Variants in DESI2 observed in about 807,000 individuals in gnomAD.
DESI2 encodes the protein deubiquitinase DESI2.
DESI2 carries 10 observed loss-of-function variants against 24.1 expected under a neutral mutation model. The ratio of observed to expected loss-of-function variants is 0.41; its 90% confidence interval spans 0.26 to 0.70. DESI2 has a LOEUF of 0.70. Among genes scored for constraint, DESI2 ranks in the 30% least tolerant of loss-of-function variants. The pLI is 0.29. For synonymous variants in DESI2, 71 were observed against 87.7 expected (o/e 0.81, Z 1.06); for missense variants, 122 against 234.9 (o/e 0.52, Z 3.14).
intron 1 of DESI2, among the ~76,000 whole-genome samples, chr1:244,676,995 C>T (rs1473644043): frequency 6.8e-6 from 1 of 147,690 alleles, no homozygotes; most frequent in East Asian, 2.0e-4. Context: ...TTATATAATC[C>T]TTGAGTCTGT....
In DESI2 at chr1:244,653,162, C is replaced by T. The variant is rs969749779; in HGVS notation, c.-152C>T. The T allele has an allele frequency of 5.5e-6, 4 of 726,014 alleles. No homozygotes were observed. Among genetic ancestry groups the T allele is most frequent in the Non-Finnish European group, 7.8e-6 (4 of 514,616 alleles). The allele number at this position is 726,014 out of a possible 1,614,324, so 45.0% of individuals were successfully genotyped here. ...TCGGCGGCGCCCGGGAGCGGCTCGG[C>T]TGCCCGATGCTTCCGCCCCGGCTGC... is the stretch of plus-strand genomic sequence containing the variant. On this transcript the variant is annotated 5_prime_UTR_variant, in exon 1 of 5. Coordinates refer to ENST00000302550, the MANE Select transcript of DESI2 (RefSeq NM_016076.5).
chr1:244,669,782 A>G (rs1573190699), intron 1 of DESI2, among the ~76,000 whole-genome samples: 2 of 152,164 alleles, frequency 1.3e-5, no homozygotes, highest in East Asian at 3.9e-4. Context: ...CTTCTGTGTA[A>G]TTACTATCTC....
At chr1:244,701,552 C>T (rs1234510752) in intron 4 of DESI2, among the ~76,000 whole-genome samples, 1 of 152,160 alleles carries the variant, frequency 6.6e-6, no homozygotes, top group African/African-American at 2.4e-5. Flanking sequence ...CTCCAGATGG[C>T]AGAGCCAAGG....
intron 4 of DESI2, among the ~76,000 whole-genome samples, chr1:244,695,133 C>G (rs1677166701): frequency 1.3e-5 from 2 of 152,204 alleles, no homozygotes; most frequent in African/African-American, 4.8e-5. Context: ...TTTATGGTTT[C>G]AGATAGAGGC....
rs965982593 is a variant in DESI2 at position 244,705,939 on chromosome 1, C to CAA, written c.*161_*162dup. On this transcript the variant is annotated 3_prime_UTR_variant, in exon 5 of 5. Coordinates refer to ENST00000302550, the MANE Select transcript of DESI2 (RefSeq NM_016076.5). Reference sequence around the variant, plus strand: ...TTCAGCTCAGGATTATATTTGTAATCAAAAAAAAAAAATCACTTGGCGCAG... The same window carrying CAA: ...TTCAGCTCAGGATTATATTTGTAATCAAAAAAAAAAAAAATCACTTGGCGCAG... 8.7e-5 allele frequency: 42 copies of CAA among 485,494 alleles called. No homozygotes were observed. Among genetic ancestry groups the CAA allele is most frequent in the Admixed American group, 1.1e-4 (3 of 27,618 alleles). 30.1% of individuals were successfully genotyped at this position (485,494 alleles called of 1,614,324 possible). A position where few individuals can be genotyped will look rare whatever the true frequency, so the allele number is the denominator to read the frequency against.
At chr1:244,693,117 A>G (rs1039536707) in intron 4 of DESI2, among the ~76,000 whole-genome samples, 1 of 152,282 alleles carries the variant, frequency 6.6e-6, no homozygotes, top group Middle Eastern at 3.4e-3. Context: ...AATCCACTCT[A>G]TTTTTCAGAC....
intron 1 of DESI2, among the ~76,000 whole-genome samples, chr1:244,654,187 T>C (rs1675568049): frequency 6.6e-6 from 1 of 152,202 alleles, no homozygotes; most frequent in Non-Finnish European, 1.5e-5. Context: ...CGGTAGAGAA[T>C]TGTCGTTGCA....
At chr1:244,685,530 C>A (rs1234916415) in intron 1 of DESI2, among the ~76,000 whole-genome samples, 1 of 152,054 alleles carries the variant, frequency 6.6e-6, no homozygotes, top group African/African-American at 2.4e-5. Flanking sequence ...TTGCTTAATT[C>A]TTCTTCCAGG....
chr1:244,675,968 TAC>T (rs1362417647), intron 1 of DESI2, among the ~76,000 whole-genome samples: 1 of 152,244 alleles, frequency 6.6e-6, no homozygotes, highest in Non-Finnish European at 1.5e-5. Context: ...AGTTTTCAGA[TAC>T]AGTTTATGAA....
intron 1 of DESI2, among the ~76,000 whole-genome samples, chr1:244,674,498 C>G (rs1438775558): frequency 6.6e-6 from 1 of 152,148 alleles, no homozygotes; most frequent in Non-Finnish European, 1.5e-5. Flanking sequence ...AAGCCCATAC[C>G]CATTAGCAAT....
intron 1 of DESI2, among the ~76,000 whole-genome samples, chr1:244,674,775 AGTT>A (rs371845533): frequency 1.6e-4 from 24 of 152,318 alleles, no homozygotes; most frequent in African/African-American, 5.5e-4. Context: ...ATAAACATGT[AGTT>A]GTTTCTACTT....
chr1:244,665,789 A>G (rs1321629817), intron 1 of DESI2, among the ~76,000 whole-genome samples: 1 of 152,258 alleles, frequency 6.6e-6, no homozygotes, highest in African/African-American at 2.4e-5. Flanking sequence ...TGCATCCTGC[A>G]GACCTACTCT....
chr1:244,689,323 G>A lies in DESI2; in HGVS notation c.190G>A (p.Gly64Arg). ...TTCCCCAGGAAATGCTTCTGAACTA[G>A]GAGAAACATTTAAATTTAAGTAAGT... ...EISPGNASELGETFKFKEAVV... is the reference protein window; with the variant it reads ...EISPGNASELRETFKFKEAVV... The change falls in exon 3 of 5, where the codon GGA (glycine) becomes AGA (arginine). Residue 64 changes from glycine to arginine, a missense_variant. This residue lies in a region of DESI2 where 16 missense variants were observed against 65.7 expected (regional missense o/e 0.24). Transcript: ENST00000302550. The surrounding 1 kb of genome is among the most constrained non-coding windows in gnomAD (Gnocchi z 4.0). 6.5e-7 allele frequency: 1 copy of A among 1,549,232 alleles called. No individual in the cohort carries two copies. The highest frequency in any genetic ancestry group is 8.9e-7 in the Non-Finnish European group (1 of 1,121,152).
At chr1:244,669,333 T>C (rs1320538565) in intron 1 of DESI2, among the ~76,000 whole-genome samples, 1 of 151,568 alleles carries the variant, frequency 6.6e-6, no homozygotes. Flanking sequence ...ACATTTTACT[T>C]TCTTCTTTTC....
chr1:244,676,058 A>G (rs1676404128), intron 1 of DESI2, among the ~76,000 whole-genome samples: 1 of 147,742 alleles, frequency 6.8e-6, no homozygotes, highest in Non-Finnish European at 1.5e-5. Context: ...TTGAGTGCTT[A>G]TTGCTAGTGT....
At chr1:244,673,464 A>G (rs1336193596) in intron 1 of DESI2, among the ~76,000 whole-genome samples, 3 of 152,232 alleles carry the variant, frequency 2.0e-5, no homozygotes, top group Admixed American at 2.0e-4. Flanking sequence ...TGCTCTTGAT[A>G]TATTCCTTTT....
At chr1:244,662,962 C>T (rs1675899019) in intron 1 of DESI2, among the ~76,000 whole-genome samples, 1 of 151,940 alleles carries the variant, frequency 6.6e-6, no homozygotes, top group African/African-American at 2.4e-5. Context: ...ACAAGCAGTA[C>T]CACCAGAAAG....
chr1:244,663,193 T>A (rs1675906729), intron 1 of DESI2, among the ~76,000 whole-genome samples: 2 of 151,946 alleles, frequency 1.3e-5, no homozygotes, highest in Non-Finnish European at 2.9e-5. Context: ...TTTTTTTTTT[T>A]CCTTTTTTTT....
intron 1 of DESI2, among the ~76,000 whole-genome samples, chr1:244,681,599 C>G (rs1676616428): frequency 6.6e-6 from 1 of 152,202 alleles, no homozygotes; most frequent in Non-Finnish European, 1.5e-5. Flanking sequence ...GCATCCACAG[C>G]TGCCCACCTC....
Sources: gnomAD v4.1 joint callset for allele counts (sites outside exome capture counted in the v4.1 genomes callset) on GRCh38, gnomAD v4.1.1 for gene constraint, gnomAD v4.1.1 regional missense constraint, Gnocchi (gnomAD v3.1) non-coding constraint, MANE v1.5 for transcripts, NCBI Gene and HGNC (gene_info 2026-07-23, HGNC 2026-07-21) for gene names.